Variants in OSBPL6 observed in about 807,000 individuals in gnomAD.
OSBPL6 encodes the protein oxysterol binding protein like 6.
A neutral mutation model predicts 125.8 loss-of-function variants in OSBPL6; 49 were observed. The observed-to-expected ratio is 0.39, with a 90% CI of 0.31 to 0.49. OSBPL6 has a LOEUF of 0.49. OSBPL6 is among the 20% of genes least tolerant of loss of function. The probability of loss-of-function intolerance (pLI) is 0.88; values close to 1 mark genes in which losing one functional copy is unlikely to be tolerated. For missense variants in OSBPL6, 986 were observed against 1,135.4 expected, an observed-to-expected ratio of 0.87 and a Z score of 1.89; for synonymous variants, 394 against 391.8, an observed-to-expected ratio of 1.01 and a Z score of -0.07.
chr2:178,389,271 G>A (rs1287941476), intron 21 of OSBPL6, 118 bp downstream of exon 21: 19 of 989,366 alleles, frequency 1.9e-5, no homozygotes, highest in Admixed American at 2.9e-5. Flanking sequence ...TGGTCCTTAC[G>A]GACATTTTAG....
chr2:178,381,499 G>T (rs754251531), intron 15 of OSBPL6, among the ~76,000 whole-genome samples: 1 of 152,064 alleles, frequency 6.6e-6, no homozygotes, highest in Non-Finnish European at 1.5e-5. Flanking sequence ...GACTGCAGGC[G>T]CATGCCACCA....
chr2:178,395,912 G>A lies in OSBPL6; in HGVS notation c.*353G>A, dbSNP rs1381502363. On this transcript the variant is annotated 3_prime_UTR_variant, in exon 25 of 25. Transcript: ENST00000190611. ...CTGGTGCTTAAAGCTGATCAAGAAA[G>A]TTAACAACAACATAGAAACCACACG... 2.5e-6 allele frequency: 1 copy of A among 401,380 alleles called. No individual in the cohort carries two copies. The highest frequency in any genetic ancestry group is 4.8e-6 in the Non-Finnish European group (1 of 208,954). 24.9% of individuals were successfully genotyped at this position (401,380 alleles called of 1,614,324 possible).
chr2:178,253,830 A>G (rs573641884), intron 1 of OSBPL6, among the ~76,000 whole-genome samples: 3 of 152,192 alleles, frequency 2.0e-5, no homozygotes, highest in African/African-American at 7.2e-5. Flanking sequence ...TTAATCCCCA[A>G]TGTGGCAGTA....
chr2:178,402,519 A>G lies in OSBPL6; in HGVS notation c.*6960A>G, dbSNP rs1696127830. On this transcript the variant is annotated 3_prime_UTR_variant, in exon 25 of 25. Transcript: ENST00000190611. Reference sequence around the variant, plus strand: ...CACCTACTTAACAAGAAGGTCTAGCAGGACATTCTTGATCCAGGTCAGCTT... The same window carrying G: ...CACCTACTTAACAAGAAGGTCTAGCGGGACATTCTTGATCCAGGTCAGCTT... 6.6e-6 allele frequency: 1 copy of G among 152,222 alleles called. No homozygotes were observed. The allele number at this position is 152,222 out of a possible 1,614,324, so 9.4% of individuals were successfully genotyped here. A position where few individuals can be genotyped will look rare whatever the true frequency, so the allele number is the denominator to read the frequency against.
intron 1 of OSBPL6, chr2:178,230,645 T>C (rs2090777693): frequency 6.6e-6 from 1 of 152,200 alleles, no homozygotes; most frequent in Non-Finnish European, 1.5e-5. Flanking sequence ...AATTTAGCCC[T>C]AGGTGTAACT....
intron 1 of OSBPL6, among the ~76,000 whole-genome samples, chr2:178,276,996 T>C (rs771652586): frequency 6.6e-5 from 10 of 152,276 alleles, no homozygotes; most frequent in Non-Finnish European, 1.5e-4. Flanking sequence ...TGTTTATATA[T>C]TGTCTGTGGC....
At chr2:178,343,280 A>G (rs942940584) in intron 11 of OSBPL6, among the ~76,000 whole-genome samples, 1 of 152,068 alleles carries the variant, frequency 6.6e-6, no homozygotes, top group Non-Finnish European at 1.5e-5. Context: ...CCAGCATGTC[A>G]GGAAGCCAAG....
At chr2:178,293,245 A>G (rs1260851592) in intron 2 of OSBPL6, among the ~76,000 whole-genome samples, 2 of 152,182 alleles carry the variant, frequency 1.3e-5, no homozygotes, top group Non-Finnish European at 2.9e-5. Context: ...AGTGTTGCTT[A>G]GATTTACAAA....
intron 1 of OSBPL6, among the ~76,000 whole-genome samples, chr2:178,256,610 T>C (rs2091894720): frequency 6.6e-6 from 1 of 152,226 alleles, no homozygotes; most frequent in South Asian, 2.1e-4. Context: ...GGTCATTTCA[T>C]GGCAGAGCTG....
chr2:178,213,815 T>C (rs1300319105), intron 1 of OSBPL6, among the ~76,000 whole-genome samples: 1 of 152,232 alleles, frequency 6.6e-6, no homozygotes, highest in Admixed American at 6.5e-5. Flanking sequence ...GATGGTTTAC[T>C]GCATAAGGCC....
intron 1 of OSBPL6, among the ~76,000 whole-genome samples, chr2:178,238,436 A>G (rs2091151124): frequency 6.6e-6 from 1 of 152,290 alleles, no homozygotes; most frequent in Non-Finnish European, 1.5e-5. Flanking sequence ...CCAAAGTGCA[A>G]GACTAGTGAT....
intron 3 of OSBPL6, 77 bp downstream of exon 3, chr2:178,306,363 T>A: frequency 3.3e-6 from 3 of 900,854 alleles, no homozygotes; most frequent in Admixed American, 2.1e-5. Flanking sequence ...GGTTGCTAAT[T>A]AATTCTGAAA....
At chr2:178,207,510 C>T (rs769059520) in intron 1 of OSBPL6, among the ~76,000 whole-genome samples, 5 of 152,130 alleles carry the variant, frequency 3.3e-5, no homozygotes, top group South Asian at 2.1e-4. Flanking sequence ...TATCTACAAG[C>T]TCAGGGGATT....
At chr2:178,285,235 ATC>A in intron 2 of OSBPL6, 114 bp downstream of exon 2, 1 of 395,192 alleles carries the variant, frequency 2.5e-6, no homozygotes, top group East Asian at 3.6e-5. Context: ...GTTTCTTTAT[ATC>A]TCTTATTTGT....
At chr2:178,385,554 G>T (rs1423298447) in intron 19 of OSBPL6, 33 bp downstream of exon 19, 37 of 1,490,276 alleles carry the variant, frequency 2.5e-5, no homozygotes, top group Non-Finnish European at 3.3e-5. Flanking sequence ...AAAATCAAAT[G>T]TATGAGCCTA....
At chr2:178,240,385 T>C (rs1030539975) in intron 1 of OSBPL6, among the ~76,000 whole-genome samples, 3 of 152,026 alleles carry the variant, frequency 2.0e-5, no homozygotes, top group Admixed American at 1.3e-4. Context: ...TTGGCTGACA[T>C]GGCGAGACCC....
At chr2:178,232,452 T>G (rs569638485) in intron 1 of OSBPL6, among the ~76,000 whole-genome samples, 9 of 152,194 alleles carry the variant, frequency 5.9e-5, no homozygotes, top group South Asian at 2.1e-4. Flanking sequence ...ACCAGCAGCA[T>G]GATCTTGGAT....
intron 5 of OSBPL6, 44 bp downstream of exon 5, chr2:178,328,422 A>G: frequency 1.3e-6 from 2 of 1,593,850 alleles, no homozygotes; most frequent in Non-Finnish European, 1.7e-6. Flanking sequence ...CTTCATAAAT[A>G]AAGAAGATCT....
At chr2:178,200,529 G>A (rs2089192119) in intron 1 of OSBPL6, among the ~76,000 whole-genome samples, 1 of 152,164 alleles carries the variant, frequency 6.6e-6, no homozygotes, top group African/African-American at 2.4e-5. Context: ...TGACATTACA[G>A]GTGTGAGCCT....
Sources: allele counts gnomAD v4.1 joint callset (sites outside exome capture counted in the v4.1 genomes callset), GRCh38; gene constraint gnomAD v4.1.1; transcripts MANE v1.5; gene names NCBI Gene and HGNC (gene_info 2026-07-23, HGNC 2026-07-21).